SYNJ2: variants seen among roughly 807,000 people sequenced by gnomAD.
SYNJ2 encodes the protein synaptojanin 2, also known as polyphosphatidylinositol phosphatase SYNJ2.
Under a neutral mutation model 141.3 loss-of-function variants are expected in SYNJ2, and 116 were observed. The observed-to-expected ratio is 0.82, with a 90% CI of 0.71 to 0.96. The LOEUF (loss-of-function observed/expected upper bound fraction) is 0.96, where lower values mean the gene tolerates loss of function less well. SYNJ2 is among the 40% of genes least tolerant of loss of function. SYNJ2 has a pLI of 0.00. For missense variants in SYNJ2, 1,873 were observed against 1,934.8 expected, an observed-to-expected ratio of 0.97 and a Z score of 0.60; for synonymous variants, 745 against 777.7, an observed-to-expected ratio of 0.96 and a Z score of 0.70.
chr6:158,060,587 A>G (rs1158494714), intron 7 of SYNJ2, among the ~76,000 whole-genome samples: 1 of 152,206 alleles, frequency 6.6e-6, no homozygotes, highest in African/African-American at 2.4e-5. Flanking sequence ...CTGGTTGCCA[A>G]TTTTATTTGG....
intron 4 of SYNJ2, among the ~76,000 whole-genome samples, chr6:158,042,518 C>T (rs770588930): frequency 4.6e-5 from 7 of 152,232 alleles, no homozygotes; most frequent in Admixed American, 2.6e-4. Flanking sequence ...ATAAAGGCCC[C>T]GCATCTGATA....
rs1031465453 is a variant in SYNJ2 at position 158,071,536 on chromosome 6, T to C, written c.1941-66T>C. On this transcript the variant is annotated intron_variant, in intron 14 of 26. Coordinates refer to ENST00000355585, the MANE Select transcript of SYNJ2 (RefSeq NM_003898.4). The surrounding 1 kb of genome is among the most constrained non-coding windows in gnomAD (Gnocchi z 4.3). ...CCCGAGCTGCTGCTGGGCCCTTCTC[T>C]GTGGCAAAGCAGGGTCACACTTCTC... The C allele has an allele frequency of 8.4e-6, 13 of 1,555,416 alleles. No homozygotes were observed. The Middle Eastern group carries it at 8.7e-4, about 105-fold the overall frequency.
intron 23 of SYNJ2, 105 bp downstream of exon 23, chr6:158,087,094 G>A (rs1211676594): frequency 6.0e-6 from 8 of 1,334,978 alleles, no homozygotes; most frequent in Admixed American, 2.0e-5. Flanking sequence ...CCGGCCTTCC[G>A]GTCCCCACAG....
At chr6:158,010,821 T>C (rs548456269) in intron 1 of SYNJ2, among the ~76,000 whole-genome samples, 36 of 131,558 alleles carry the variant, frequency 2.7e-4, no homozygotes, top group African/African-American at 1.0e-3. Flanking sequence ...GGGGGGGACA[T>C]GTTGGGAGAG....
rs1780074539 is a variant in SYNJ2 at position 158,043,605 on chromosome 6, A to G, written c.795+206A>G. ...GCGTGCGTGTGTGTAGAAAACACAG[A>G]CACCACTTTGTTGTTTCTGGTCGTC... On this transcript the variant is annotated intron_variant, in intron 5 of 26. Transcript: ENST00000355585. The surrounding 1 kb of genome is among the most constrained non-coding windows in gnomAD (Gnocchi z 4.0). Among the ~76,000 whole-genome samples, 1 of 152,214 alleles carries G rather than the reference A, an allele frequency of 6.6e-6. No homozygotes were observed. The highest frequency in any genetic ancestry group is 2.4e-5 in the African/African-American group (1 of 41,454).
In SYNJ2 at chr6:158,059,317, C is replaced by A. The variant is rs1233017992; in HGVS notation, c.918C>A (p.Ser306Arg). The A allele has an allele frequency of 3.2e-6, 5 of 1,550,924 alleles. No homozygotes were observed. The highest frequency in any genetic ancestry group is 3.5e-6 in the Non-Finnish European group (4 of 1,146,956). ...GQQVVVNLLGSRGGEEVLNRA... is the reference protein window; with the variant it reads ...GQQVVVNLLGRRGGEEVLNRA... Reference sequence around the variant, plus strand: ...AGGTGGTCGTGAACCTTCTGGGAAGCAGAGGCGGAGAGGAGGTGCTCAACA... The same window carrying A: ...AGGTGGTCGTGAACCTTCTGGGAAGAAGAGGCGGAGAGGAGGTGCTCAACA... The change falls in exon 7 of 27, where the codon AGC becomes AGA. Residue 306 changes from serine to arginine, a missense_variant. Transcript: ENST00000355585.
intron 2 of SYNJ2, among the ~76,000 whole-genome samples, chr6:158,018,421 T>C (rs1778587045): frequency 6.6e-6 from 1 of 152,194 alleles, no homozygotes; most frequent in Non-Finnish European, 1.5e-5. Context: ...AATGGCTGTA[T>C]GGGTTGTCTG....
At chr6:158,018,009 T>C (rs1321213466) in intron 2 of SYNJ2, among the ~76,000 whole-genome samples, 1 of 150,842 alleles carries the variant, frequency 6.6e-6, no homozygotes, top group Admixed American at 6.6e-5. Flanking sequence ...CCAGGGCAGA[T>C]GCCCGGGGGC....
intron 25 of SYNJ2, among the ~76,000 whole-genome samples, chr6:158,091,954 G>C (rs1362778144): frequency 6.6e-6 from 1 of 152,072 alleles, no homozygotes; most frequent in Non-Finnish European, 1.5e-5. Context: ...TGGGTGGGGA[G>C]TGGCTGCTGT....
At chr6:158,045,922 A>T (rs1455840912) in intron 5 of SYNJ2, among the ~76,000 whole-genome samples, 1 of 151,964 alleles carries the variant, frequency 6.6e-6, no homozygotes, top group African/African-American at 2.4e-5. Context: ...CAAAGCCTCC[A>T]TGGTTTCTTC....
intron 4 of SYNJ2, among the ~76,000 whole-genome samples, chr6:158,041,060 G>T (rs1490188402): frequency 4.6e-5 from 7 of 152,322 alleles, no homozygotes; most frequent in African/African-American, 1.7e-4. Context: ...TGGCTACTCT[G>T]TGCTGGGACT....
intron 2 of SYNJ2, among the ~76,000 whole-genome samples, chr6:158,018,050 G>GA (rs1453134244): frequency 3.3e-5 from 5 of 152,198 alleles, no homozygotes; most frequent in African/African-American, 1.2e-4. Context: ...GTCAGCAGGA[G>GA]AAAAAAGCCA....
intron 2 of SYNJ2, among the ~76,000 whole-genome samples, chr6:158,025,989 ATACATACG>A (rs1270725827): frequency 1.1e-4 from 15 of 130,510 alleles, no homozygotes; most frequent in African/African-American, 3.4e-4. Flanking sequence ...GCATACATAC[ATACATACG>A]TACATACATA....
chr6:158,072,250 C>T (rs914239169), intron 15 of SYNJ2, among the ~76,000 whole-genome samples: 1 of 152,130 alleles, frequency 6.6e-6, no homozygotes, highest in Non-Finnish European at 1.5e-5. Flanking sequence ...ACCAATGGAC[C>T]CTTTTTGACT....
At chr6:158,000,763 C>T (rs568328383) in intron 1 of SYNJ2, among the ~76,000 whole-genome samples, 27 of 152,122 alleles carry the variant, frequency 1.8e-4, no homozygotes, top group Admixed American at 3.9e-4. Flanking sequence ...ACTTCCCTTA[C>T]AGCACGCACT....
chr6:158,086,875 C>T lies in SYNJ2; in HGVS notation c.3229C>T (p.Leu1077Phe), dbSNP rs754246337. The T allele has an allele frequency of 8.1e-6, 13 of 1,611,390 alleles. No individual in the cohort carries two copies. The South Asian group carries it at 1.4e-4, about 18-fold the overall frequency. The change falls in exon 23 of 27, where the codon CTC becomes TTC. Residue 1077 changes from leucine to phenylalanine, a missense_variant. Leu to Phe is a conservative substitution (Grantham distance 22, BLOSUM62 0). Coordinates refer to ENST00000355585, the MANE Select transcript of SYNJ2 (RefSeq NM_003898.4). ...TCCAGATGACGCGGACCTGGTGGAG[C>T]TCAAGCGGGAGCTGGAAGCCGTCGG... ...TYKDDADLVE[L>F]KRELEAVGEF...
chr6:158,088,751 A>G lies in SYNJ2; in HGVS notation c.3435A>G (p.Leu1145=). ...CAATTTTGCAGACGGCAAGACTTCT[A>G]CCAGGAGCACCTCAGCAACCTGTGA... ...QYSILQTARL[L]PGAPQQPPKA... Residue 1145 remains leucine (L), a synonymous_variant, in exon 24 of 27, where the codon CTA becomes CTG. Transcript: ENST00000355585. The G allele has an allele frequency of 6.2e-7, 1 of 1,613,694 alleles. No individual in the cohort carries two copies. Among genetic ancestry groups the G allele is most frequent in the South Asian group, 1.1e-5 (1 of 91,072 alleles).
chr6:158,014,958 T>A (rs980983532), intron 1 of SYNJ2, among the ~76,000 whole-genome samples: 51 of 152,082 alleles, frequency 3.4e-4, no homozygotes, highest in African/African-American at 1.2e-3. Context: ...GACAAGTGCC[T>A]TTGAGGGGGA....
At position 157,982,364 on chromosome 6, in the gene SYNJ2, C is replaced by T. The variant is rs1583269576; in HGVS notation, c.127+276C>T. ...GAGGATATGGTTGCTGGATAGCCGG[C>T]TGGGGCGCTTTGCGTATTCATGAGG... is the stretch of plus-strand genomic sequence containing the variant. On this transcript the variant is annotated intron_variant, in intron 1 of 26. Coordinates refer to ENST00000355585, the MANE Select transcript of SYNJ2 (RefSeq NM_003898.4). The surrounding 1 kb of genome is among the most constrained non-coding windows in gnomAD (Gnocchi z 4.0). Among the ~76,000 whole-genome samples, 1 of 152,238 alleles carries T rather than the reference C, an allele frequency of 6.6e-6. No homozygotes were observed. Among genetic ancestry groups the T allele is most frequent in the Admixed American group, 6.5e-5 (1 of 15,290 alleles).
Sources: allele counts gnomAD v4.1 joint callset (sites outside exome capture counted in the v4.1 genomes callset), GRCh38; gene constraint gnomAD v4.1.1; non-coding constraint Gnocchi (gnomAD v3.1); transcripts MANE v1.5; gene names NCBI Gene and HGNC (gene_info 2026-07-23, HGNC 2026-07-21).